Variants in RIC1 observed in about 807,000 individuals in gnomAD.
The protein encoded by RIC1 is RIC1 partner of RAB6A GEF complex, also known as guanine nucleotide exchange factor subunit RIC1.
Under a neutral mutation model 169.0 loss-of-function variants are expected in RIC1, and 88 were observed. That is an observed-to-expected ratio of 0.52 (90% CI 0.44 to 0.62). The LOEUF (loss-of-function observed/expected upper bound fraction) is 0.62. Among genes scored for constraint, RIC1 ranks in the 20% least tolerant of loss-of-function variants. The pLI, the probability that RIC1 is intolerant of heterozygous loss-of-function variation, is 0.00. For missense variants in RIC1, 1,877 were observed against 1,725.5 expected, an observed-to-expected ratio of 1.09 and a Z score of -1.56; for synonymous variants, 790 against 601.5, an observed-to-expected ratio of 1.31 and a Z score of -4.59.
At chr9:5,710,247 C>T (rs978684921) in intron 3 of RIC1, among the ~76,000 whole-genome samples, 1 of 152,112 alleles carries the variant, frequency 6.6e-6, no homozygotes, top group African/African-American at 2.4e-5. Flanking sequence ...ATAGAGATTG[C>T]TTGAAAACAC....
At chr9:5,643,293 C>T (rs1265369344) in intron 1 of RIC1, among the ~76,000 whole-genome samples, 3 of 152,140 alleles carry the variant, frequency 2.0e-5, no homozygotes, top group Non-Finnish European at 2.9e-5. Context: ...TTTGTTTATA[C>T]TGCTTTTTCT....
chr9:5,679,123 T>A (rs1294881335), intron 2 of RIC1, among the ~76,000 whole-genome samples: 2 of 152,222 alleles, frequency 1.3e-5, no homozygotes, highest in African/African-American at 4.8e-5. Flanking sequence ...ATTTCTTGTT[T>A]TTGTCAGGTT....
intron 2 of RIC1, among the ~76,000 whole-genome samples, chr9:5,674,270 A>T (rs1820302153): frequency 6.6e-6 from 1 of 152,264 alleles, no homozygotes; most frequent in Non-Finnish European, 1.5e-5. Context: ...TAAAAAAAAA[A>T]TTTAACAAAA....
intron 23 of RIC1, among the ~76,000 whole-genome samples, chr9:5,771,616 GCAC>G (rs1369929432): frequency 3.3e-5 from 5 of 152,048 alleles, no homozygotes; most frequent in Non-Finnish European, 7.4e-5. Flanking sequence ...CATAGCAACT[GCAC>G]CATTTTAAAT....
Position 5,765,718 on chromosome 9 carries a change from C to G in RIC1, c.3057C>G (p.Ser1019=). Residue 1019 remains serine, a synonymous_variant, in exon 21 of 26, where the codon TCC becomes TCG. Transcript: ENST00000414202. The part of the protein sequence containing the change: ...EFFRNRSISL[S]QSAENVPASK... ...TCAGGAATCGAAGCATCAGTTTATCCCAGTCAGCTGAAAATGTTCCTGCCA... is the reference window on the plus strand; with the variant it reads ...TCAGGAATCGAAGCATCAGTTTATCGCAGTCAGCTGAAAATGTTCCTGCCA... The G allele has an allele frequency of 6.2e-7, 1 of 1,614,126 alleles. No individual in the cohort carries two copies. The highest frequency in any genetic ancestry group is 8.5e-7 in the Non-Finnish European group (1 of 1,180,012).
intron 1 of RIC1, among the ~76,000 whole-genome samples, chr9:5,652,010 G>T (rs892864815): frequency 1.3e-5 from 2 of 152,108 alleles, no homozygotes; most frequent in East Asian, 1.9e-4. Context: ...CCTGTTTTTT[G>T]AAAATCAGTT....
chr9:5,764,696 C>A (rs1214786140), intron 19 of RIC1, among the ~76,000 whole-genome samples: 1 of 152,134 alleles, frequency 6.6e-6, no homozygotes, highest in Non-Finnish European at 1.5e-5. Flanking sequence ...CCATGGCTAA[C>A]CCTAAAGAAA....
intron 3 of RIC1, among the ~76,000 whole-genome samples, chr9:5,712,128 C>G (rs978011360): frequency 3.3e-5 from 5 of 152,150 alleles, no homozygotes; most frequent in African/African-American, 1.2e-4. Flanking sequence ...ATTTCTAGTT[C>G]TAGATCCCTA....
At chr9:5,644,446 T>G (rs1818402910) in intron 1 of RIC1, among the ~76,000 whole-genome samples, 1 of 152,348 alleles carries the variant, frequency 6.6e-6, no homozygotes, top group Middle Eastern at 3.4e-3. Flanking sequence ...AGGGACATAT[T>G]GCACAGTGGT....
intron 6 of RIC1, among the ~76,000 whole-genome samples, chr9:5,722,704 C>A (rs1823682217): frequency 6.6e-6 from 1 of 152,120 alleles, no homozygotes. Context: ...TATCCCTCCC[C>A]CCCTCGCCCC....
At chr9:5,648,798 C>T (rs1818657200) in intron 1 of RIC1, among the ~76,000 whole-genome samples, 1 of 152,078 alleles carries the variant, frequency 6.6e-6, no homozygotes, top group South Asian at 2.1e-4. Flanking sequence ...TGTTGGCCAT[C>T]CATATGTCTT....
At chr9:5,731,997 A>C (rs751574727) in intron 6 of RIC1, among the ~76,000 whole-genome samples, 2 of 152,220 alleles carry the variant, frequency 1.3e-5, no homozygotes, top group Admixed American at 6.5e-5. Flanking sequence ...TGAGAAGTTA[A>C]ATACTATGTG....
Position 5,765,533 on chromosome 9 carries a change from T to C in RIC1, c.2961T>C (p.Ser987=), listed in dbSNP as rs1826669936. The C allele has an allele frequency of 6.2e-7, 1 of 1,612,670 alleles. No homozygotes were observed. Among genetic ancestry groups the C allele is most frequent in the Non-Finnish European group, 8.5e-7 (1 of 1,179,468 alleles). Residue 987 remains serine (S), a synonymous_variant, in exon 20 of 26, where the codon TCT becomes TCC. Transcript: ENST00000414202. The part of the protein sequence containing the change: ...HMIRFLKAIG[S]GESETPPSTP... Reference sequence around the variant, plus strand: ...TTCGATTTCTTAAAGCCATTGGCTCTGGAGAATCTGAGACACCTCCATCCA... The same window carrying C: ...TTCGATTTCTTAAAGCCATTGGCTCCGGAGAATCTGAGACACCTCCATCCA...
chr9:5,720,132 C>G, intron 4 of RIC1, 50 bp from the exon 5 acceptor site: 1 of 1,468,022 alleles, frequency 6.8e-7, no homozygotes, highest in Non-Finnish European at 9.4e-7. Flanking sequence ...TATTCATACA[C>G]ATTGCTTTCC....
chr9:5,702,651 G>A (rs1822302296), intron 3 of RIC1, among the ~76,000 whole-genome samples: 1 of 152,126 alleles, frequency 6.6e-6, no homozygotes, highest in South Asian at 2.1e-4. Context: ...CAATTCTCCT[G>A]CTTCAGCCTC....
chr9:5,660,215 A>G (rs1338595073), intron 2 of RIC1, among the ~76,000 whole-genome samples: 1 of 152,206 alleles, frequency 6.6e-6, no homozygotes, highest in African/African-American at 2.4e-5. Context: ...ATAGTATTCC[A>G]TCGTGTATAT....
chr9:5,715,191 C>T (rs1329810479), intron 4 of RIC1, among the ~76,000 whole-genome samples: 1 of 152,128 alleles, frequency 6.6e-6, no homozygotes, highest in African/African-American at 2.4e-5. Context: ...TTTATTTCAG[C>T]ATGGGAATCG....
chr9:5,666,081 C>T (rs552290917), intron 2 of RIC1, among the ~76,000 whole-genome samples: 164 of 152,262 alleles, frequency 1.1e-3, no homozygotes, highest in Admixed American at 2.0e-3. Flanking sequence ...AGGTATACTC[C>T]GTCCTGGGGG....
intron 2 of RIC1, among the ~76,000 whole-genome samples, chr9:5,676,272 A>G (rs1820435425): frequency 6.6e-6 from 1 of 152,186 alleles, no homozygotes; most frequent in South Asian, 2.1e-4. Context: ...AAACGTTACT[A>G]ATTTAATGAT....
Sources: gnomAD v4.1 joint callset for allele counts (sites outside exome capture counted in the v4.1 genomes callset) on GRCh38, gnomAD v4.1.1 for gene constraint, MANE v1.5 for transcripts, NCBI Gene and HGNC (gene_info 2026-07-23, HGNC 2026-07-21) for gene names.